The following CACNA2D4 variants were observed in gnomAD, a reference collection of about 807,000 sequenced individuals.
CACNA2D4 encodes voltage-dependent calcium channel subunit alpha-2/delta-4.
CACNA2D4 carries 157 observed loss-of-function variants against 163.8 expected under a neutral mutation model. The observed-to-expected ratio is 0.96, with a 90% CI of 0.84 to 1.09. The LOEUF (loss-of-function observed/expected upper bound fraction) is 1.09, where lower values mean the gene tolerates loss of function less well. CACNA2D4 is among the 50% of genes least tolerant of loss of function. The pLI is 0.00. For synonymous variants in CACNA2D4, 598 were observed against 586.9 expected, an observed-to-expected ratio of 1.02 and a Z score of -0.27; for missense variants, 1,410 against 1,479.9, an observed-to-expected ratio of 0.95 and a Z score of 0.78.
intron 2 of CACNA2D4, among the ~76,000 whole-genome samples, chr12:1,913,776 T>A (rs902187570): frequency 6.6e-6 from 1 of 152,238 alleles, no homozygotes. Flanking sequence ...ATTGTGAATG[T>A]CTATTCACCC....
At chr12:1,856,278 G>A in intron 20 of CACNA2D4, 49 bp from the exon 21 acceptor site, 1 of 1,599,936 alleles carries the variant, frequency 6.3e-7, no homozygotes, top group African/African-American at 1.3e-5. Flanking sequence ...CTGCCATGAG[G>A]GTGTGTGTCT....
At position 1,883,120 on chromosome 12, in the gene CACNA2D4, C is replaced by T; in HGVS notation, c.1352-120G>A. 8.5e-7 allele frequency: 1 copy of T among 1,173,542 alleles called. No individual in the cohort carries two copies. Among genetic ancestry groups the T allele is most frequent in the Non-Finnish European group, 1.2e-6 (1 of 842,038 alleles). The allele number at this position is 1,173,542 out of a possible 1,614,324, so 72.7% of individuals were successfully genotyped here. A position where few individuals can be genotyped will look rare whatever the true frequency, so the allele number is the denominator to read the frequency against. On this transcript the variant is annotated intron_variant, in intron 12 of 37. Transcript: ENST00000382722. This position sits in a 1 kb window ranked among gnomAD's most constrained non-coding sequence, Gnocchi z 4.5. ...AGCCGAATACTCTCTGGAAACTGGACCGGGGCACAGGGAGCTGCTTCCCCA... is the reference window on the plus strand; with the variant it reads ...AGCCGAATACTCTCTGGAAACTGGATCGGGGCACAGGGAGCTGCTTCCCCA...
intron 26 of CACNA2D4, among the ~76,000 whole-genome samples, chr12:1,816,397 C>T (rs1863872104): frequency 6.6e-6 from 1 of 152,216 alleles, no homozygotes. Flanking sequence ...CCCAGGAGGG[C>T]CTGTCATGAC....
intron 18 of CACNA2D4, among the ~76,000 whole-genome samples, chr12:1,866,615 T>C (rs916811698): frequency 6.6e-6 from 1 of 151,900 alleles, no homozygotes; most frequent in African/African-American, 2.4e-5. Flanking sequence ...TATCTGAAAA[T>C]GTCTTTTTTT....
At chr12:1,904,734 A>G (rs945779306) in intron 6 of CACNA2D4, among the ~76,000 whole-genome samples, 1 of 152,120 alleles carries the variant, frequency 6.6e-6, no homozygotes, top group Non-Finnish European at 1.5e-5. Flanking sequence ...CAGAAATAAA[A>G]TAACTATAGA....
At chr12:1,841,743 T>C (rs1362018858) in intron 25 of CACNA2D4, among the ~76,000 whole-genome samples, 1 of 152,244 alleles carries the variant, frequency 6.6e-6, no homozygotes, top group African/African-American at 2.4e-5. Context: ...GTCATGGGAC[T>C]CTTGTGTGGC....
rs1865850324 is a variant in CACNA2D4 at position 1,874,761 on chromosome 12, A to G, written c.1807-86T>C. On this transcript the variant is annotated intron_variant, in intron 17 of 37. Coordinates refer to ENST00000382722, the MANE Select transcript of CACNA2D4 (RefSeq NM_172364.5). The surrounding 1 kb of genome is among the most constrained non-coding windows in gnomAD (Gnocchi z 4.4). ...CATTCTTCAGACCAGATTAGAGGTG[A>G]TCCCCAGAAACACTTTTGGTTCTTC... 7 of 962,194 alleles carry G rather than the reference A, an allele frequency of 7.3e-6. No homozygotes were observed. The highest frequency in any genetic ancestry group is 1.2e-5 in the Non-Finnish European group (7 of 597,730). The allele number at this position is 962,194 out of a possible 1,614,324, so 59.6% of individuals were successfully genotyped here.
intron 23 of CACNA2D4, among the ~76,000 whole-genome samples, chr12:1,849,695 T>C (rs1340928139): frequency 6.6e-6 from 1 of 152,228 alleles, no homozygotes. Flanking sequence ...ACTCTTCCTG[T>C]AGGTAACCTG....
chr12:1,795,218 C>T (rs1204692783), intron 37 of CACNA2D4, 81 bp downstream of exon 37: 5 of 1,312,766 alleles, frequency 3.8e-6, no homozygotes, highest in Non-Finnish European at 4.3e-6. Flanking sequence ...CTATATGCTC[C>T]TGTCTGCAGG....
At chr12:1,884,096 G>T (rs1866073050) in intron 12 of CACNA2D4, 147 bp downstream of exon 12, 2 of 601,064 alleles carry the variant, frequency 3.3e-6, no homozygotes, top group East Asian at 5.6e-5. Flanking sequence ...CAAATATGAA[G>T]GAGGGACTGA....
At chr12:1,794,123 G>A (rs971198541) in intron 37 of CACNA2D4, among the ~76,000 whole-genome samples, 15 of 152,108 alleles carry the variant, frequency 9.9e-5, no homozygotes, top group Admixed American at 8.5e-4. Context: ...TTCTGGATCC[G>A]TACCAGCCAC....
intron 26 of CACNA2D4, chr12:1,822,239 C>T (rs1012696654): frequency 1.3e-5 from 2 of 152,248 alleles, no homozygotes; most frequent in African/African-American, 4.8e-5. Flanking sequence ...TCCCGTTTCC[C>T]AGGCACCAGA....
chr12:1,826,411 C>CCCCT (rs1555177868), intron 26 of CACNA2D4, among the ~76,000 whole-genome samples: 6 of 102,684 alleles, frequency 5.8e-5, no homozygotes, highest in East Asian at 2.8e-4. Flanking sequence ...CCCCCCCCCC[C>CCCCT]CCCCCGCCAA....
At chr12:1,801,406 C>T (rs190129226) in intron 30 of CACNA2D4, among the ~76,000 whole-genome samples, 168 bp downstream of exon 30, 90 of 152,342 alleles carry the variant, frequency 5.9e-4, no homozygotes, top group Non-Finnish European at 2.6e-4. Context: ...TTACGCCCTC[C>T]CCACATCATG....
chr12:1,911,286 G>T (rs2154452533), intron 3 of CACNA2D4, among the ~76,000 whole-genome samples: 1 of 152,140 alleles, frequency 6.6e-6, no homozygotes, highest in Non-Finnish European at 1.5e-5. Context: ...TTCCCAAAGT[G>T]CCTTCCACGT....
chr12:1,807,432 C>G (rs1015039229), intron 29 of CACNA2D4, among the ~76,000 whole-genome samples: 1 of 151,488 alleles, frequency 6.6e-6, no homozygotes, highest in Non-Finnish European at 1.5e-5. Flanking sequence ...AAGTCTTCTG[C>G]TTGTAAGCCA....
Position 1,875,238 on chromosome 12 carries a change from T to A in CACNA2D4, c.1806+13A>T. 6.3e-7 allele frequency: 1 copy of A among 1,594,552 alleles called. No homozygotes were observed. Among genetic ancestry groups the A allele is most frequent in the Non-Finnish European group, 8.6e-7 (1 of 1,162,450 alleles). On this transcript the variant is annotated intron_variant, in intron 17 of 37. Transcript: ENST00000382722. This position sits in a 1 kb window ranked among gnomAD's most constrained non-coding sequence, Gnocchi z 4.0. ...CCTAACTAGCTTCCCTTCCCCCTAT[T>A]TTCCCCACTCACAGATTCAGCCTGG...
Position 1,793,960 on chromosome 12 carries a change from G to A in CACNA2D4, c.3310-201C>T, listed in dbSNP as rs948084518. 3.9e-5 allele frequency among the ~76,000 whole-genome samples: 6 copies of A among 152,260 alleles called. No homozygotes were observed. The Middle Eastern group carries it at 0.017, about 432-fold the overall frequency. On this transcript the variant is annotated intron_variant, in intron 37 of 37. Transcript: ENST00000382722. ...CCCCTCAGCCTGGGAGGGGGGCACC[G>A]GCCTTCTCTGCTTGCCCTCAGGCTT... is the stretch of plus-strand genomic sequence containing the variant.
chr12:1,896,105 TAAATG>T (rs1866394165), intron 6 of CACNA2D4, among the ~76,000 whole-genome samples: 1 of 152,190 alleles, frequency 6.6e-6, no homozygotes, highest in Non-Finnish European at 1.5e-5. Context: ...ATTAAAGACT[TAAATG>T]TAAGTCCCCA....
Sources: allele counts gnomAD v4.1 joint callset (sites outside exome capture counted in the v4.1 genomes callset), GRCh38; gene constraint gnomAD v4.1.1; non-coding constraint Gnocchi (gnomAD v3.1); transcripts MANE v1.5; gene names NCBI Gene and HGNC (gene_info 2026-07-23, HGNC 2026-07-21).